CRYBG1: variants seen among roughly 807,000 people sequenced by gnomAD.
The protein encoded by CRYBG1 is crystallin beta-gamma domain containing 1.
CRYBG1 carries 139 observed loss-of-function variants against 189.2 expected under a neutral mutation model. The observed-to-expected ratio is 0.73, with a 90% confidence interval of 0.64 to 0.85. The LOEUF (loss-of-function observed/expected upper bound fraction) is 0.85, where lower values mean the gene tolerates loss of function less well. Ranked by LOEUF, CRYBG1 falls within the 40% of genes least tolerant of loss-of-function variation. The pLI is 0.00. For missense variants in CRYBG1, 2,611 were observed against 2,675.8 expected, an observed-to-expected ratio of 0.98 and a Z score of 0.53; for synonymous variants, 1,023 against 1,017.1, an observed-to-expected ratio of 1.01 and a Z score of -0.11.
chr6:106,415,893 C>T (rs111829969), intron 1 of CRYBG1, among the ~76,000 whole-genome samples: 7 of 152,282 alleles, frequency 4.6e-5, no homozygotes, highest in African/African-American at 1.4e-4. Context: ...TTCTCCTCTT[C>T]GGATGCCTTC....
intron 20 of CRYBG1, among the ~76,000 whole-genome samples, chr6:106,563,213 C>T (rs1348144925): frequency 6.6e-6 from 1 of 152,198 alleles, no homozygotes; most frequent in Non-Finnish European, 1.5e-5. Flanking sequence ...TCTAGTGAGT[C>T]TGCATTTTTC....
chr6:106,476,127 T>C (rs1772329774), intron 2 of CRYBG1, among the ~76,000 whole-genome samples: 1 of 152,252 alleles, frequency 6.6e-6, no homozygotes, highest in Admixed American at 6.5e-5. Context: ...TGGAAGTAGA[T>C]AAAGTATATT....
chr6:106,497,477 C>T (rs1361950912), intron 2 of CRYBG1, among the ~76,000 whole-genome samples: 2 of 152,306 alleles, frequency 1.3e-5, no homozygotes, highest in Non-Finnish European at 2.9e-5. Context: ...CTTCCCCCTG[C>T]ACCCCTTAGT....
intron 1 of CRYBG1, among the ~76,000 whole-genome samples, chr6:106,370,419 C>G (rs1769995991): frequency 6.6e-6 from 1 of 152,200 alleles, no homozygotes; most frequent in South Asian, 2.1e-4. Flanking sequence ...CAAGTAGTTG[C>G]TTTACCAGTT....
intron 2 of CRYBG1, among the ~76,000 whole-genome samples, chr6:106,484,545 C>T (rs1772554823): frequency 6.6e-6 from 1 of 152,124 alleles, no homozygotes; most frequent in South Asian, 2.1e-4. Context: ...GTCTCAAACT[C>T]CTGGCCTTGA....
At chr6:106,429,126 A>G (rs1167226331) in intron 1 of CRYBG1, among the ~76,000 whole-genome samples, 1 of 152,186 alleles carries the variant, frequency 6.6e-6, no homozygotes, top group Non-Finnish European at 1.5e-5. Flanking sequence ...ACCTTTGGCA[A>G]AATTATTTTC....
intron 2 of CRYBG1, among the ~76,000 whole-genome samples, chr6:106,492,526 AAAGAAGGAAGGG>A (rs918223834): frequency 6.6e-6 from 1 of 151,994 alleles, no homozygotes; most frequent in Non-Finnish European, 1.5e-5. Context: ...GAGAGGAAGG[AAAGAAGGAAGGG>A]AAGAAGGAAG....
intron 17 of CRYBG1, among the ~76,000 whole-genome samples, chr6:106,556,889 A>G (rs1470868895): frequency 6.6e-6 from 1 of 152,238 alleles, no homozygotes; most frequent in Non-Finnish European, 1.5e-5. Context: ...CAAGTAATGA[A>G]TAAGACTTTG....
At chr6:106,367,016 A>G (rs1772013604) in intron 1 of CRYBG1, among the ~76,000 whole-genome samples, 1 of 152,218 alleles carries the variant, frequency 6.6e-6, no homozygotes, top group South Asian at 2.1e-4. Context: ...CAGTGCCTTA[A>G]AAGTCTTAAT....
At position 106,494,730 on chromosome 6, in the gene CRYBG1, A is replaced by G. The variant is rs78671834; in HGVS notation, c.313-16700A>G. Among the ~76,000 whole-genome samples the G allele has an allele frequency of 5.6e-3, 858 of 152,338 alleles. 26 individuals carry two copies. The East Asian group carries it at 0.078, about 14-fold the overall frequency. On this transcript the variant is annotated intron_variant, in intron 2 of 21. Coordinates refer to ENST00000633556, the MANE Select transcript of CRYBG1 (RefSeq NM_001371242.2). ...AAATTTAGGTGTCCATTATTTAAGTATTATGAGGTGAGCATAATTTTTGCC... is the reference window on the plus strand; with the variant it reads ...AAATTTAGGTGTCCATTATTTAAGTGTTATGAGGTGAGCATAATTTTTGCC...
chr6:106,470,930 C>A (rs1347410748), intron 2 of CRYBG1, among the ~76,000 whole-genome samples: 1 of 152,152 alleles, frequency 6.6e-6, no homozygotes, highest in Non-Finnish European at 1.5e-5. Context: ...AATAAAGAAT[C>A]CTGGAATTTC....
At chr6:106,564,969 G>C (rs1468374010) in intron 21 of CRYBG1, among the ~76,000 whole-genome samples, 2 of 152,104 alleles carry the variant, frequency 1.3e-5, no homozygotes, top group East Asian at 3.9e-4. Context: ...ACTACAAAAT[G>C]ACTCAATTTT....
In CRYBG1 at chr6:106,464,210, G is replaced by A. The variant is rs557784886; in HGVS notation, c.312+12378G>A. ...AAACAAAGATCTTAGAAATCTAAAA[G>A]TTGGCCAGGCGCAGTGGCTCACACC... On this transcript the variant is annotated intron_variant, in intron 2 of 21. Coordinates refer to ENST00000633556, the MANE Select transcript of CRYBG1 (RefSeq NM_001371242.2). Among the ~76,000 whole-genome samples, 5 of 152,162 alleles carry A rather than the reference G, an allele frequency of 3.3e-5. No individual in the cohort carries two copies. In the South Asian group the frequency reaches 1.0e-3, roughly 32 times the overall value.
chr6:106,426,354 A>AAC (rs925985747), intron 1 of CRYBG1, among the ~76,000 whole-genome samples: 11 of 152,062 alleles, frequency 7.2e-5, no homozygotes, highest in South Asian at 4.2e-4. Flanking sequence ...ATATATCTTA[A>AAC]ACACACACAC....
intron 1 of CRYBG1, among the ~76,000 whole-genome samples, chr6:106,399,859 G>A (rs561585917): frequency 3.3e-5 from 5 of 151,814 alleles, no homozygotes; most frequent in South Asian, 2.1e-4. Context: ...ATCTCCGGCC[G>A]GGTGCGGTGG....
At position 106,530,168 on chromosome 6, in the gene CRYBG1, T is replaced by A. The variant is rs947943301; in HGVS notation, c.4579-8T>A. On this transcript the variant is annotated splice_region_variant and splice_polypyrimidine_tract_variant and intron_variant, in intron 7 of 21. Coordinates refer to ENST00000633556, the MANE Select transcript of CRYBG1 (RefSeq NM_001371242.2). ...ATTCTTACTATCTATGCATCTATAT[T>A]TTTTCAGGATTACAGAGTTAGTCAC... 1 of 1,604,788 alleles carries A rather than the reference T, an allele frequency of 6.2e-7. No homozygotes were observed. The highest frequency in any genetic ancestry group is 8.5e-7 in the Non-Finnish European group (1 of 1,175,044).
chr6:106,497,531 C>T (rs1188215287), intron 2 of CRYBG1, among the ~76,000 whole-genome samples: 1 of 152,192 alleles, frequency 6.6e-6, no homozygotes, highest in African/African-American at 2.4e-5. Flanking sequence ...AGGGGACCTG[C>T]CTTGTTCATC....
At chr6:106,388,077 A>T (rs187207603) in intron 1 of CRYBG1, among the ~76,000 whole-genome samples, 74 of 152,118 alleles carry the variant, frequency 4.9e-4, no homozygotes, top group Middle Eastern at 3.4e-3. Context: ...ACTCCCTTTG[A>T]CTCTGAGCAG....
At chr6:106,371,059 A>G (rs995134916) in intron 1 of CRYBG1, among the ~76,000 whole-genome samples, 1 of 152,218 alleles carries the variant, frequency 6.6e-6, no homozygotes, top group African/African-American at 2.4e-5. Context: ...AAAAGCTTGC[A>G]CAAGCCATAT....
Sources: allele counts gnomAD v4.1 joint callset (sites outside exome capture counted in the v4.1 genomes callset), GRCh38; gene constraint gnomAD v4.1.1; transcripts MANE v1.5; gene names NCBI Gene and HGNC (gene_info 2026-07-23, HGNC 2026-07-21).